The following NCKAP5 variants were observed in gnomAD, a reference collection of about 807,000 sequenced individuals.
NCKAP5 encodes the protein NCK associated protein 5, also known as nck-associated protein 5.
In NCKAP5, 92 loss-of-function variants were observed where a neutral mutation model predicts 167.0. The observed-to-expected ratio is 0.55, with a 90% CI of 0.47 to 0.66. The LOEUF (loss-of-function observed/expected upper bound fraction) is 0.66, where lower values mean the gene tolerates loss of function less well. Ranked by LOEUF, NCKAP5 falls within the 30% of genes least tolerant of loss-of-function variation. The probability of loss-of-function intolerance (pLI) is 0.00; values close to 1 mark genes in which losing one functional copy is unlikely to be tolerated. For missense variants in NCKAP5, 2,378 were observed against 2,315.0 expected, an observed-to-expected ratio of 1.03 and a Z score of -0.56; for synonymous variants, 891 against 877.4, an observed-to-expected ratio of 1.02 and a Z score of -0.27.
At chr2:133,234,875 A>C (rs887195276) in intron 4 of NCKAP5, among the ~76,000 whole-genome samples, 1 of 150,400 alleles carries the variant, frequency 6.6e-6, no homozygotes, top group African/African-American at 2.4e-5. Context: ...ATTCATTCTT[A>C]AGTAAATATT....
chr2:133,535,456 A>G (rs1364215498), intron 2 of NCKAP5, among the ~76,000 whole-genome samples: 1 of 152,122 alleles, frequency 6.6e-6, no homozygotes, highest in East Asian at 1.9e-4. Flanking sequence ...TTATTGCTGC[A>G]AAAGACAGTA....
intron 3 of NCKAP5, among the ~76,000 whole-genome samples, chr2:133,341,953 T>C (rs1454234626): frequency 6.6e-6 from 1 of 152,192 alleles, no homozygotes; most frequent in East Asian, 1.9e-4. Context: ...ATTCTTTTTT[T>C]TTTGAGACGG....
intron 11 of NCKAP5, among the ~76,000 whole-genome samples, chr2:132,839,480 G>C (rs1330639680): frequency 6.6e-6 from 1 of 152,250 alleles, no homozygotes; most frequent in African/African-American, 2.4e-5. Context: ...TGTGCAAATG[G>C]TGGAGTGCAA....
intron 9 of NCKAP5, among the ~76,000 whole-genome samples, chr2:132,873,876 C>G (rs1691038012): frequency 6.6e-6 from 1 of 152,142 alleles, no homozygotes; most frequent in Non-Finnish European, 1.5e-5. Flanking sequence ...CTGATACTGT[C>G]CATTCATTCA....
the NCKAP5 span, among the ~76,000 whole-genome samples, chr2:133,595,337 C>T: frequency 6.6e-6 from 1 of 151,984 alleles, no homozygotes; most frequent in African/African-American, 2.4e-5. Flanking sequence ...TCCTTCTCCT[C>T]TTCCAATTTC....
chr2:133,482,828 A>T lies in NCKAP5; in HGVS notation c.69+34630T>A, dbSNP rs550709504. Among the ~76,000 whole-genome samples, 74 of 151,926 alleles carry T rather than the reference A, an allele frequency of 4.9e-4. 2 individuals are homozygous for T. In the South Asian group the frequency reaches 0.015, roughly 31 times the overall value. ...CTGTTATTTTTTTTTCTTTTTAATA[A>T]CTTCTCTATTACTCTAACCCACCAA... is the stretch of plus-strand genomic sequence containing the variant. On this transcript the variant is annotated intron_variant, in intron 3 of 19. Transcript: ENST00000409261.
the NCKAP5 span, among the ~76,000 whole-genome samples, chr2:133,620,676 G>T: frequency 3.1e-4 from 47 of 152,152 alleles, no homozygotes; most frequent in African/African-American, 1.1e-3. Context: ...GATAGCGGGG[G>T]ACTTTAATAC....
At chr2:133,155,492 T>C (rs1466257538) in intron 5 of NCKAP5, among the ~76,000 whole-genome samples, 1 of 152,196 alleles carries the variant, frequency 6.6e-6, no homozygotes, top group African/African-American at 2.4e-5. Context: ...CTGAGCTACT[T>C]CTACCAAAAG....
chr2:133,326,820 G>T (rs955943901), intron 3 of NCKAP5, among the ~76,000 whole-genome samples: 1 of 152,186 alleles, frequency 6.6e-6, no homozygotes, highest in Non-Finnish European at 1.5e-5. Context: ...ACAGTAGAGT[G>T]CATTTACCAG....
intron 19 of NCKAP5, among the ~76,000 whole-genome samples, chr2:132,696,737 A>G (rs527400059): frequency 6.6e-6 from 1 of 152,322 alleles, no homozygotes; most frequent in East Asian, 1.9e-4. Flanking sequence ...AAACTCAAGA[A>G]GAAATTCTCC....
chr2:133,440,111 T>C (rs1380984497), intron 3 of NCKAP5, among the ~76,000 whole-genome samples: 6 of 152,140 alleles, frequency 3.9e-5, no homozygotes, highest in Non-Finnish European at 1.5e-5. Context: ...TAGCCCTTTA[T>C]TTCTTCAGTG....
chr2:133,323,530 G>C (rs1309545887), intron 3 of NCKAP5, among the ~76,000 whole-genome samples: 1 of 152,152 alleles, frequency 6.6e-6, no homozygotes, highest in Non-Finnish European at 1.5e-5. Context: ...GATTATATGC[G>C]AACTATATGA....
chr2:133,303,781 T>C (rs1342102131), intron 3 of NCKAP5, among the ~76,000 whole-genome samples: 7 of 152,284 alleles, frequency 4.6e-5, no homozygotes, highest in Admixed American at 4.6e-4. Context: ...GAAAAAAAAT[T>C]AAAGAATTCA....
In NCKAP5 at chr2:133,130,097, T is replaced by C. The variant is rs1315880875; in HGVS notation, c.222A>G (p.Ile74Met). 11 of 1,609,560 alleles carry C rather than the reference T, an allele frequency of 6.8e-6. No homozygotes were observed. The highest frequency in any genetic ancestry group is 1.3e-5 in the African/African-American group (1 of 74,662). ...AGTGTCTCTCCTCTTCCAGTTCATG[T>C]ATCAGCTTCTCATGCTATAAAAGAC... Reference protein sequence around the residue: ...TSEGAMHEKLIHELEEERHLR... With the variant: ...TSEGAMHEKLMHELEEERHLR... The change falls in exon 6 of 20, where the codon ATA becomes ATG. Residue 74 changes from isoleucine to methionine, a missense_variant. Ile to Met is a conservative substitution (Grantham distance 10). Around this residue, in one of 3 missense-constraint regions of NCKAP5, gnomAD observed 1,049 missense variants for 1,023.4 expected, o/e 1.02. Transcript: ENST00000409261.
intron 7 of NCKAP5, among the ~76,000 whole-genome samples, chr2:132,991,969 T>A (rs764553513): frequency 2.0e-5 from 3 of 152,220 alleles, no homozygotes; most frequent in Admixed American, 6.5e-5. Context: ...GGGATCTCCC[T>A]GGGACTTGGC....
intron 6 of NCKAP5, among the ~76,000 whole-genome samples, chr2:133,061,832 T>C (rs2080014489): frequency 6.8e-6 from 1 of 147,310 alleles, no homozygotes; most frequent in African/African-American, 2.5e-5. Flanking sequence ...CACTATGGCT[T>C]CCCCACCTTA....
intron 4 of NCKAP5, among the ~76,000 whole-genome samples, chr2:133,285,924 G>A (rs58360127): frequency 6.6e-6 from 1 of 151,922 alleles, no homozygotes; most frequent in Non-Finnish European, 1.5e-5. Flanking sequence ...CCTTTTGAAA[G>A]CTAAAGTAAT....
chr2:133,074,390 C>T (rs989705104), intron 6 of NCKAP5, among the ~76,000 whole-genome samples: 2 of 151,834 alleles, frequency 1.3e-5, no homozygotes, highest in African/African-American at 4.8e-5. Flanking sequence ...GACAGGGTCT[C>T]ACTCTGTCAC....
chr2:133,288,863 T>C (rs1360808433), intron 4 of NCKAP5, among the ~76,000 whole-genome samples: 1 of 152,236 alleles, frequency 6.6e-6, no homozygotes, highest in Admixed American at 6.5e-5. Context: ...ACTTCTCTTC[T>C]ATCTTCATCA....
Sources: allele counts gnomAD v4.1 joint callset (sites outside exome capture counted in the v4.1 genomes callset), GRCh38; gene constraint gnomAD v4.1.1; regional missense constraint gnomAD v4.1.1; transcripts MANE v1.5; gene names NCBI Gene and HGNC (gene_info 2026-07-23, HGNC 2026-07-21).